Variants in CUL7 observed in about 807,000 individuals in gnomAD.
CUL7 encodes cullin 7.
In CUL7, 96 loss-of-function variants were observed where a neutral mutation model predicts 177.7. The ratio of observed to expected loss-of-function variants is 0.54; its 90% confidence interval spans 0.46 to 0.64. The LOEUF (loss-of-function observed/expected upper bound fraction) is 0.64. Among genes scored for constraint, CUL7 ranks in the 30% least tolerant of loss-of-function variants. The pLI is 0.00. For synonymous variants in CUL7, 824 were observed against 890.2 expected, an observed-to-expected ratio of 0.93 and a Z score of 1.32; for missense variants, 1,893 against 2,187.9, an observed-to-expected ratio of 0.87 and a Z score of 2.69.
Position 43,040,967 on chromosome 6 carries a change from C to A in CUL7, c.3754G>T (p.Val1252Phe). The change falls in exon 20 of 26, where the codon GTC becomes TTC. Residue 1252 changes from valine to phenylalanine, a missense_variant. Val to Phe is a conservative substitution (Grantham distance 50). Around this residue, in one of 5 missense-constraint regions of CUL7, gnomAD observed 973 missense variants for 1,140.9 expected, o/e 0.85. Transcript: ENST00000265348. This position sits in a 1 kb window ranked among gnomAD's most constrained non-coding sequence, Gnocchi z 4.2. ...ATCTCCAAGCCGGAGAAAATCAGGA[C>A]AGCTTGCAGGCATTGCTGCAGCTGT... ...LAQLQQCLQAVLIFSGLEIAT... is the reference protein window; with the variant it reads ...LAQLQQCLQAFLIFSGLEIAT... 1 of 1,613,376 alleles carries A rather than the reference C, an allele frequency of 6.2e-7. No homozygotes were observed. Among genetic ancestry groups the A allele is most frequent in the Non-Finnish European group, 8.5e-7 (1 of 1,179,690 alleles).
intron 22 of CUL7, among the ~76,000 whole-genome samples, chr6:43,039,240 A>T (rs1342620431): frequency 1.3e-5 from 2 of 152,154 alleles, no homozygotes; most frequent in Admixed American, 1.3e-4. Context: ...AGTGCCTTCG[A>T]GGATTGCCCC....
rs1440949512 is a variant in CUL7 at position 43,043,068 on chromosome 6, G to T, written c.3462+6C>A. The T allele has an allele frequency of 4.3e-6, 7 of 1,613,894 alleles. No homozygotes were observed. Among genetic ancestry groups the T allele is most frequent in the Non-Finnish European group, 5.9e-6 (7 of 1,179,828 alleles). ...CCCTCTCTCCCGCAGGCCTGCTCCT[G>T]CCCACCTGCTTCTCCACCACGGCCC... On this transcript the variant is annotated splice_donor_region_variant and intron_variant, in intron 18 of 25. Transcript: ENST00000265348. The surrounding 1 kb of genome is among the most constrained non-coding windows in gnomAD (Gnocchi z 4.2).
In CUL7 at chr6:43,051,829, C is replaced by T; in HGVS notation, c.581-66G>A. ...ACCCTTCCTAGAAATCTTAGACCCT[C>T]TACTCTTTCAATCCAATCCTTTTGC... On this transcript the variant is annotated intron_variant, in intron 2 of 25. Transcript: ENST00000265348. The surrounding 1 kb of genome is among the most constrained non-coding windows in gnomAD (Gnocchi z 5.0). 6.4e-7 allele frequency: 1 copy of T among 1,574,784 alleles called. No homozygotes were observed. The highest frequency in any genetic ancestry group is 8.7e-7 in the Non-Finnish European group (1 of 1,144,968).
At position 43,053,502 on chromosome 6, in the gene CUL7, C is replaced by A. The variant is rs564664750; in HGVS notation, c.-9+120G>T. 1.4e-5 allele frequency: 9 copies of A among 635,328 alleles called. No individual in the cohort carries two copies. The African/African-American group carries it at 1.8e-4, about 13-fold the overall frequency. 39.4% of individuals were successfully genotyped at this position (635,328 alleles called of 1,614,324 possible). The stretch of plus-strand genomic sequence containing the variant: ...GTAAGGTGGGGGAGAGGGGATTAGG[C>A]CCCATAAGCTAGAACCCCGAGGCAC... On this transcript the variant is annotated intron_variant, in intron 1 of 25. Transcript: ENST00000265348. This position sits in a 1 kb window ranked among gnomAD's most constrained non-coding sequence, Gnocchi z 4.1.
Position 43,048,153 on chromosome 6 carries a change from G to A in CUL7, c.2164C>T (p.Arg722Ter), listed in dbSNP as rs886042376. 45 of 1,608,912 alleles carry A rather than the reference G, an allele frequency of 2.8e-5. No individual in the cohort carries two copies. Among genetic ancestry groups the A allele is most frequent in the Non-Finnish European group, 3.2e-5 (38 of 1,175,800 alleles). ...MACLRSPNTD[R>*]EVLQELIFFL... ...CCAGAGCAGGGCAGGGGTACCTCTC[G>A]ATCAGTGTTTGGGGACCGCAGGCAG... The change falls in exon 9 of 26, where the codon CGA (arginine) becomes TGA (stop). Residue 722 changes from arginine (R) to a stop codon, truncating the protein, a stop_gained. Coordinates refer to ENST00000265348, the MANE Select transcript of CUL7 (RefSeq NM_014780.5). LOFTEE classifies it high-confidence loss of function.
intron 9 of CUL7, among the ~76,000 whole-genome samples, chr6:43,047,719 A>C (rs779988396): frequency 6.6e-6 from 1 of 152,198 alleles, no homozygotes; most frequent in Non-Finnish European, 1.5e-5. Context: ...CCACAGGCCC[A>C]GCCAAAAATG....
rs1764275932 is a variant in CUL7, at chr6:43,050,187, G to A, written c.1373-28C>T. ...GTGAAAATGGGCCAAGGGGCACAAG[G>A]ATGTCACTAGCAACTCAGCAGGACC... On this transcript the variant is annotated intron_variant, in intron 5 of 25. Coordinates refer to ENST00000265348, the MANE Select transcript of CUL7 (RefSeq NM_014780.5). This position sits in a 1 kb window ranked among gnomAD's most constrained non-coding sequence, Gnocchi z 4.1. 2 of 1,614,164 alleles carry A rather than the reference G, an allele frequency of 1.2e-6. No homozygotes were observed. Among genetic ancestry groups the A allele is most frequent in the African/African-American group, 1.3e-5 (1 of 75,046 alleles).
Position 43,037,816 on chromosome 6 carries a change from T to A in CUL7, c.4969A>T (p.Thr1657Ser), listed in dbSNP as rs758367190. 1.9e-6 allele frequency: 3 copies of A among 1,610,538 alleles called. No homozygotes were observed. Among genetic ancestry groups the A allele is most frequent in the Non-Finnish European group, 1.7e-6 (2 of 1,178,502 alleles). Reference sequence around the variant, plus strand: ...GAGGAGCCTGGGTTCAGGGACTCAGTGTGAGGCTCCATGACAGTCACAGGG... The same window carrying A: ...GAGGAGCCTGGGTTCAGGGACTCAGAGTGAGGCTCCATGACAGTCACAGGG... ...AVPVTVMEPH[T>S]ESLNPGSSGP... Residue 1657 changes from threonine (T) to serine (S), a missense_variant, in exon 26 of 26, where the codon ACT becomes TCT. Physicochemically the swap from Thr to Ser is moderately conservative, Grantham distance 58. Coordinates refer to ENST00000265348, the MANE Select transcript of CUL7 (RefSeq NM_014780.5).
chr6:43,038,491 A>G lies in CUL7; in HGVS notation c.4568-19T>C, dbSNP rs373031091. 5 of 1,613,692 alleles carry G rather than the reference A, an allele frequency of 3.1e-6. No individual in the cohort carries two copies. The highest frequency in any genetic ancestry group is 1.7e-5 in the Admixed American group (1 of 59,984). On this transcript the variant is annotated intron_variant, in intron 24 of 25. Coordinates refer to ENST00000265348, the MANE Select transcript of CUL7 (RefSeq NM_014780.5). Reference sequence around the variant, plus strand: ...AGGACCCCTGAAATAAATGCTGATCACTCACTCAGTGGAGAGCCCACGAGG... The same window carrying G: ...AGGACCCCTGAAATAAATGCTGATCGCTCACTCAGTGGAGAGCCCACGAGG...
intron 22 of CUL7, 110 bp from the exon 23 acceptor site, chr6:43,039,097 C>T: frequency 1.3e-6 from 1 of 753,096 alleles, no homozygotes; most frequent in Admixed American, 2.0e-5. Flanking sequence ...GGCGTGTGAC[C>T]CCAGCATTTA....
intron 7 of CUL7, 73 bp from the exon 8 acceptor site, chr6:43,048,642 C>G (rs1561890064): frequency 2.9e-6 from 3 of 1,044,996 alleles, no homozygotes. Flanking sequence ...ATTCATAACT[C>G]TCAATCTTTT....
chr6:43,038,993 C>G lies in CUL7; in HGVS notation c.4295-6G>C. 2 of 1,596,632 alleles carry G rather than the reference C, an allele frequency of 1.3e-6. No individual in the cohort carries two copies. The highest frequency in any genetic ancestry group is 2.2e-5 in the South Asian group (2 of 90,728). ...AAGGGCAGGGTGGCTCTGACCTGGACCAGGAAGGGGGAGGGAGACAAAGAG... is the reference window on the plus strand; with the variant it reads ...AAGGGCAGGGTGGCTCTGACCTGGAGCAGGAAGGGGGAGGGAGACAAAGAG... On this transcript the variant is annotated splice_region_variant and splice_polypyrimidine_tract_variant and intron_variant, in intron 22 of 25. Coordinates refer to ENST00000265348, the MANE Select transcript of CUL7 (RefSeq NM_014780.5).
In CUL7 at chr6:43,052,386, C is replaced by A. The variant is rs1764491246; in HGVS notation, c.403G>T (p.Ala135Ser). The change falls in exon 2 of 26, where the codon GCT (alanine) becomes TCT (serine). Residue 135 changes from alanine to serine, a missense_variant. Physicochemically the swap from Ala to Ser is moderately conservative, Grantham distance 99. Coordinates refer to ENST00000265348, the MANE Select transcript of CUL7 (RefSeq NM_014780.5). This position sits in a 1 kb window ranked among gnomAD's most constrained non-coding sequence, Gnocchi z 4.5. ...ACGTGGACAGTGTGAAGTAGAGGAG[C>A]AGGAGGGATAGTGCCCACACACTCC... ...LEECVGTIPPAPLLHTVHVLS... is the reference protein window; with the variant it reads ...LEECVGTIPPSPLLHTVHVLS... 1 of 1,614,116 alleles carries A rather than the reference C, an allele frequency of 6.2e-7. No individual in the cohort carries two copies. Among genetic ancestry groups the A allele is most frequent in the African/African-American group, 1.3e-5 (1 of 74,940 alleles).
chr6:43,045,481 C>A lies in CUL7; in HGVS notation c.2863-79G>T. On this transcript the variant is annotated intron_variant, in intron 14 of 25. Coordinates refer to ENST00000265348, the MANE Select transcript of CUL7 (RefSeq NM_014780.5). The surrounding 1 kb of genome is among the most constrained non-coding windows in gnomAD (Gnocchi z 4.8). ...GGTCAGCTACGCCCTCGAACCTCAC[C>A]CCTGGAGCTGCTCGAGACCCAGGCT... is the stretch of plus-strand genomic sequence containing the variant. 6.2e-7 allele frequency: 1 copy of A among 1,613,594 alleles called. No homozygotes were observed. The highest frequency in any genetic ancestry group is 8.5e-7 in the Non-Finnish European group (1 of 1,179,612).
chr6:43,048,528 G>A lies in CUL7; in HGVS notation c.1867C>T (p.Arg623Cys), dbSNP rs147775109. 2.8e-4 allele frequency: 455 copies of A among 1,614,126 alleles called. 4 individuals are homozygous for A. The East Asian group carries it at 9.3e-3, about 33-fold the overall frequency. The change falls in exon 8 of 26, where the codon CGT (arginine) becomes TGT (cysteine). Residue 623 changes from arginine to cysteine, a missense_variant. By Grantham distance (180) the Arg-to-Cys change is radical. Transcript: ENST00000265348. The stretch of plus-strand genomic sequence containing the variant: ...GCTGGACCATAACCCTCCACCAGAC[G>A]CTGCAGGGGAGTGTTGGGACTCTGA... ...PSQSPNTPLQ[R>C]LVEGYGPAGK... is the part of the protein sequence containing the mutation.
At chr6:43,049,294 G>C in intron 7 of CUL7, 113 bp downstream of exon 7, 1 of 1,392,936 alleles carries the variant, frequency 7.2e-7, no homozygotes, top group Non-Finnish European at 1.0e-6. Context: ...CTAAGTTGCA[G>C]CTTCTAAGGT....
Position 43,041,054 on chromosome 6 carries a change from GC to G in CUL7, c.3666del (p.His1223ThrfsTer31). The G allele has an allele frequency of 6.2e-7, 1 of 1,614,004 alleles. No individual in the cohort carries two copies. Among genetic ancestry groups the G allele is most frequent in the South Asian group, 1.1e-5 (1 of 91,012 alleles). The part of the protein sequence containing the change: ...KAAHVSEQFA[R>X]HIDQQIQGSR... ...CTGCCCTGGATCTGCTGGTCAATGT[GC>G]CGGGCGAACTGCTCACTCACCTGAG... On this transcript the variant is annotated frameshift_variant, in exon 20 of 26. Transcript: ENST00000265348. LOFTEE classifies it high-confidence loss of function.
intron 16 of CUL7, among the ~76,000 whole-genome samples, 187 bp downstream of exon 16, chr6:43,044,565 C>T (rs1763727004): frequency 1.3e-5 from 2 of 152,020 alleles, no homozygotes; most frequent in South Asian, 2.1e-4. Context: ...TATGGTGTCC[C>T]CTGACACTTG....
Position 43,040,191 on chromosome 6 carries a change from C to T in CUL7, c.4259G>A (p.Gly1420Asp), listed in dbSNP as rs1170098624. 1.9e-6 allele frequency: 3 copies of T among 1,613,964 alleles called. No individual in the cohort carries two copies. Among genetic ancestry groups the T allele is most frequent in the Non-Finnish European group, 2.5e-6 (3 of 1,179,948 alleles). The change falls in exon 22 of 26, where the codon GGC (glycine) becomes GAC (aspartate). Residue 1420 changes from glycine to aspartate, a missense_variant. Gly to Asp is a moderately conservative substitution (Grantham distance 94). Around this residue, in one of 5 missense-constraint regions of CUL7, gnomAD observed 973 missense variants for 1,140.9 expected, o/e 0.85. Coordinates refer to ENST00000265348, the MANE Select transcript of CUL7 (RefSeq NM_014780.5). The surrounding 1 kb of genome is among the most constrained non-coding windows in gnomAD (Gnocchi z 4.2). The part of the protein sequence containing the change: ...PRTCLPSYLR[G>D]TLNRYSNFYN... ...GAAGTTGGAGTATCTGTTCAAAGTG[C>T]CCCTCAGGTAGGAGGGCAGGCAGGT...
Sources: allele counts gnomAD v4.1 joint callset (sites outside exome capture counted in the v4.1 genomes callset), GRCh38; gene constraint gnomAD v4.1.1; regional missense constraint gnomAD v4.1.1; non-coding constraint Gnocchi (gnomAD v3.1); transcripts MANE v1.5; gene names NCBI Gene and HGNC (gene_info 2026-07-23, HGNC 2026-07-21).